Variants in GRID2IP observed in about 807,000 individuals in gnomAD.
GRID2IP encodes the protein delphilin.
In GRID2IP, 78 loss-of-function variants were observed where a neutral mutation model predicts 114.3. That is an observed-to-expected ratio of 0.68 (90% confidence interval 0.57 to 0.82). GRID2IP has a LOEUF of 0.82. Ranked by LOEUF, GRID2IP falls within the 40% of genes least tolerant of loss-of-function variation. GRID2IP has a pLI of 0.00. For synonymous variants in GRID2IP, 809 were observed against 724.0 expected (o/e 1.12, Z -1.89); for missense variants, 1,727 against 1,678.5 (o/e 1.03, Z -0.51).
chr7:6,544,578 C>A (rs1282656689), intron 1 of GRID2IP, among the ~76,000 whole-genome samples: 1 of 152,026 alleles, frequency 6.6e-6, no homozygotes, highest in Non-Finnish European at 1.5e-5. Flanking sequence ...CTGTGCCCGG[C>A]CTGCATGGTT....
intron 7 of GRID2IP, 76 bp from the exon 8 acceptor site, chr7:6,514,605 C>G (rs140169864): frequency 7.6e-7 from 1 of 1,315,924 alleles, no homozygotes; most frequent in African/African-American, 1.5e-5. Flanking sequence ...GTAGACAAGA[C>G]GGCACTTCCA....
Position 6,534,901 on chromosome 7 carries a change from T to C in GRID2IP, c.584+4817A>G, listed in dbSNP as rs1343860912. Among the ~76,000 whole-genome samples the C allele has an allele frequency of 6.6e-6, 1 of 152,018 alleles. No individual in the cohort carries two copies. The highest frequency in any genetic ancestry group is 1.5e-5 in the Non-Finnish European group (1 of 67,996). ...CAGCTAATTTATTTATTTATTTATT[T>C]TGAGATAGAGTTTCACTCCTGTTGC... On this transcript the variant is annotated intron_variant, in intron 2 of 21. Coordinates refer to ENST00000457091, the MANE Select transcript of GRID2IP (RefSeq NM_001145118.2). The surrounding 1 kb of genome is among the most constrained non-coding windows in gnomAD (Gnocchi z 4.5).
At position 6,510,955 on chromosome 7, in the gene GRID2IP, C is replaced by T. The variant is rs1779137007; in HGVS notation, c.1508G>A (p.Cys503Tyr). 8 of 1,548,236 alleles carry T rather than the reference C, an allele frequency of 5.2e-6. No homozygotes were observed. The highest frequency in any genetic ancestry group is 1.2e-5 in the South Asian group (1 of 83,960). The change falls in exon 9 of 22, where the codon TGC becomes TAC. Residue 503 changes from cysteine to tyrosine, a missense_variant. Cys to Tyr is a radical substitution (Grantham distance 194, BLOSUM62 -2). Coordinates refer to ENST00000457091, the MANE Select transcript of GRID2IP (RefSeq NM_001145118.2). ...GCCCTGGGACCGGAGGCTGCGGCGG[C>T]ACATGGAGGAAGCCCGCAGGGAGCT... is the stretch of plus-strand genomic sequence containing the variant. ...PRSSLRASSM[C>Y]RRSLRSQGLE...
In GRID2IP at chr7:6,521,391, TG is replaced by T. The variant is rs1562519139; in HGVS notation, c.1084+37del. The T allele has an allele frequency of 3.5e-6, 5 of 1,423,388 alleles. No homozygotes were observed. The highest frequency in any genetic ancestry group is 2.2e-5 in the Admixed American group (1 of 44,446). The allele number at this position is 1,423,388 out of a possible 1,614,324, so 88.2% of individuals were successfully genotyped here. ...CATATAGCAGCCTGGGCAGGGTCTC[TG>T]GGGGCCAAGGAAGCCAAGTGTCCAT... On this transcript the variant is annotated intron_variant, in intron 6 of 21. Coordinates refer to ENST00000457091, the MANE Select transcript of GRID2IP (RefSeq NM_001145118.2). The surrounding 1 kb of genome is among the most constrained non-coding windows in gnomAD (Gnocchi z 4.1).
At chr7:6,531,518 GGGGATGCCCTTTACGCTGGGCCTCCA>G (rs1334898641) in intron 2 of GRID2IP, among the ~76,000 whole-genome samples, 2 of 152,250 alleles carry the variant, frequency 1.3e-5, no homozygotes, top group Non-Finnish European at 2.9e-5. Context: ...ATTTTCCGGA[GGGGATGCCCTTTACGCTGGGCCTCCA>G]GGGCTCAGCA....
intron 8 of GRID2IP, among the ~76,000 whole-genome samples, chr7:6,511,904 T>C (rs1002824349): frequency 1.3e-5 from 2 of 150,684 alleles, no homozygotes; most frequent in African/African-American, 2.5e-5. Context: ...TCTCTGTCTC[T>C]TTCTCTCTTT....
intron 1 of GRID2IP, among the ~76,000 whole-genome samples, chr7:6,549,906 C>G (rs1404374486): frequency 6.6e-6 from 1 of 151,892 alleles, no homozygotes; most frequent in African/African-American, 2.4e-5. Flanking sequence ...GCTGGGATTA[C>G]AGGCGTGAGC....
In GRID2IP at chr7:6,503,664, G is replaced by A; in HGVS notation, c.2734C>T (p.Leu912=). 1 of 1,510,502 alleles carries A rather than the reference G, an allele frequency of 6.6e-7. No homozygotes were observed. Among genetic ancestry groups the A allele is most frequent in the Non-Finnish European group, 8.8e-7 (1 of 1,136,626 alleles). 93.6% of individuals were successfully genotyped at this position (1,510,502 alleles called of 1,614,324 possible). A position where few individuals can be genotyped will look rare whatever the true frequency, so the allele number is the denominator to read the frequency against. Residue 912 remains leucine, a synonymous_variant, in exon 16 of 22, where the codon CTG becomes TTG. Coordinates refer to ENST00000457091, the MANE Select transcript of GRID2IP (RefSeq NM_001145118.2). ...NTSILLAHLK[L]SPAELRQVLM... ...ACCTGGCGCAGCTCCGCGGGGCTCA[G>A]CTTCAGGTGTGCCAAGAGGATGGCT...
In GRID2IP at chr7:6,549,885, C is replaced by T. The variant is rs181154023; in HGVS notation, c.429+1123G>A. On this transcript the variant is annotated intron_variant, in intron 1 of 21. Transcript: ENST00000457091. The stretch of plus-strand genomic sequence containing the variant: ...AGTTCAAGTCATCAGCCCTCCTCAG[C>T]CTCCCAAAGTGCTGGGATTACAGGC... Among the ~76,000 whole-genome samples the T allele has an allele frequency of 6.6e-5, 10 of 151,932 alleles. No individual in the cohort carries two copies. The East Asian group carries it at 1.9e-3, about 29-fold the overall frequency.
intron 2 of GRID2IP, 53 bp downstream of exon 2, chr7:6,539,665 G>A (rs978851599): frequency 6.8e-7 from 1 of 1,460,660 alleles, no homozygotes; most frequent in Non-Finnish European, 9.1e-7. Context: ...AGGGAATGAT[G>A]GCTCTAAGTG....
rs150457021 is a variant in GRID2IP, at chr7:6,514,077, C to T, written c.1423+298G>A. 2.4e-3 allele frequency among the ~76,000 whole-genome samples: 359 copies of T among 151,834 alleles called. 1 individual carries two copies. Among genetic ancestry groups the T allele is most frequent in the Non-Finnish European group, 3.8e-3 (261 of 68,008 alleles). The stretch of plus-strand genomic sequence containing the variant: ...GACCATCATGGTTAACATGGTGAAA[C>T]CTCTTCTCTACTAAAAACACAAAAG... On this transcript the variant is annotated intron_variant, in intron 8 of 21. Coordinates refer to ENST00000457091, the MANE Select transcript of GRID2IP (RefSeq NM_001145118.2).
rs577820451 is a variant in GRID2IP at position 6,551,170 on chromosome 7, G to C, written c.267C>G (p.Pro89=). 4.4e-6 allele frequency: 6 copies of C among 1,359,722 alleles called. No homozygotes were observed. The highest frequency in any genetic ancestry group is 5.6e-6 in the Non-Finnish European group (6 of 1,064,336). The allele number at this position is 1,359,722 out of a possible 1,614,324, so 84.2% of individuals were successfully genotyped here. The change falls in exon 1 of 22, where the codon CCC becomes CCG. Residue 89 remains proline (P), a synonymous_variant. Coordinates refer to ENST00000457091, the MANE Select transcript of GRID2IP (RefSeq NM_001145118.2). ...GGGCCGCGGGGCCGGATCCTGGGCCGGGGCCACCGTCGGGAGCCGGGAGCA... is the reference window on the plus strand; with the variant it reads ...GGGCCGCGGGGCCGGATCCTGGGCCCGGGCCACCGTCGGGAGCCGGGAGCA... ...LGVLPAPDGG[P]GPGSGPAAPT...
intron 8 of GRID2IP, among the ~76,000 whole-genome samples, chr7:6,511,805 C>G (rs998586795): frequency 2.0e-5 from 3 of 152,214 alleles, no homozygotes; most frequent in Non-Finnish European, 2.9e-5. Flanking sequence ...CAAGGACCAG[C>G]AACTCTGCAG....
At position 6,519,900 on chromosome 7, in the gene GRID2IP, G is replaced by C. The variant is rs527777185; in HGVS notation, c.1268+678C>G. ...GCTGGCTGCAGCTGAGGTCCAAAAAGAAAGACACCAACCCTACCCCGAAGG... is the reference window on the plus strand; with the variant it reads ...GCTGGCTGCAGCTGAGGTCCAAAAACAAAGACACCAACCCTACCCCGAAGG... On this transcript the variant is annotated intron_variant, in intron 7 of 21. Transcript: ENST00000457091. This position sits in a 1 kb window ranked among gnomAD's most constrained non-coding sequence, Gnocchi z 4.1. 2.6e-5 allele frequency among the ~76,000 whole-genome samples: 4 copies of C among 152,322 alleles called. No homozygotes were observed. Among genetic ancestry groups the C allele is most frequent in the South Asian group, 4.1e-4 (2 of 4,832 alleles).
Position 6,521,299 on chromosome 7 carries a change from A to C in GRID2IP, c.1084+130T>G. On this transcript the variant is annotated intron_variant, in intron 6 of 21. Coordinates refer to ENST00000457091, the MANE Select transcript of GRID2IP (RefSeq NM_001145118.2). This position sits in a 1 kb window ranked among gnomAD's most constrained non-coding sequence, Gnocchi z 4.1. ...CTGGGGTTCTATAGCACCACTTAGG[A>C]GGCAGCCCCGGGGAGGCAAGCTGCA... 3.2e-6 allele frequency: 2 copies of C among 627,034 alleles called. No individual in the cohort carries two copies. Among genetic ancestry groups the C allele is most frequent in the Non-Finnish European group, 5.6e-6 (2 of 360,090 alleles). 38.8% of individuals were successfully genotyped at this position (627,034 alleles called of 1,614,324 possible). A position where few individuals can be genotyped will look rare whatever the true frequency, so the allele number is the denominator to read the frequency against.
chr7:6,550,999 G>A lies in GRID2IP; in HGVS notation c.429+9C>T. 1 of 650,372 alleles carries A rather than the reference G, an allele frequency of 1.5e-6. No homozygotes were observed. The highest frequency in any genetic ancestry group is 7.3e-5 in the South Asian group (1 of 13,774). The allele number at this position is 650,372 out of a possible 1,614,324, so 40.3% of individuals were successfully genotyped here. Reference sequence around the variant, plus strand: ...CTTCCCGCCCCCACCTCCCACCCCCGCGCCTTACCTTGCGGCTGAACTCTT... The same window carrying A: ...CTTCCCGCCCCCACCTCCCACCCCCACGCCTTACCTTGCGGCTGAACTCTT... On this transcript the variant is annotated intron_variant, in intron 1 of 21. Coordinates refer to ENST00000457091, the MANE Select transcript of GRID2IP (RefSeq NM_001145118.2).
At chr7:6,525,940 T>C (rs1165841560) in intron 4 of GRID2IP, among the ~76,000 whole-genome samples, 1 of 152,130 alleles carries the variant, frequency 6.6e-6, no homozygotes, top group Non-Finnish European at 1.5e-5. Context: ...ATGCAGAACC[T>C]GGTTCCCTTG....
chr7:6,550,834 A>C (rs945342535), intron 1 of GRID2IP, among the ~76,000 whole-genome samples, 174 bp downstream of exon 1: 1 of 152,084 alleles, frequency 6.6e-6, no homozygotes, highest in Admixed American at 6.6e-5. Context: ...TCTCAAAAAA[A>C]AAAAATGCAA....
intron 1 of GRID2IP, among the ~76,000 whole-genome samples, chr7:6,544,275 CT>C (rs1037468675): frequency 6.5e-4 from 92 of 141,074 alleles, no homozygotes; most frequent in African/African-American, 2.1e-3. Context: ...TTTTCTTTTT[CT>C]TTTTTCTTTC....
Sources: allele counts gnomAD v4.1 joint callset (sites outside exome capture counted in the v4.1 genomes callset), GRCh38; gene constraint gnomAD v4.1.1; non-coding constraint Gnocchi (gnomAD v3.1); transcripts MANE v1.5; gene names NCBI Gene and HGNC (gene_info 2026-07-23, HGNC 2026-07-21).